The following HNRNPF variants were observed in gnomAD, a reference collection of about 807,000 sequenced individuals.
The protein encoded by HNRNPF is HnRNP F protein.
In HNRNPF, 2 loss-of-function variants were observed where a neutral mutation model predicts 26.0. The ratio of observed to expected loss-of-function variants is 0.08; its 90% CI spans 0.03 to 0.24. HNRNPF has a LOEUF of 0.24. Among genes scored for constraint, HNRNPF ranks in the 10% least tolerant of loss-of-function variants. HNRNPF has a pLI of 1.00. For missense variants in HNRNPF, 299 were observed against 539.2 expected (o/e 0.55, Z 4.41); for synonymous variants, 234 against 211.5 (o/e 1.11, Z -0.92).
At position 43,400,587 on chromosome 10, in the gene HNRNPF, A is replaced by G. The variant is rs1838721667; in HGVS notation, c.-246-3997T>C. 3.3e-5 allele frequency among the ~76,000 whole-genome samples: 5 copies of G among 152,182 alleles called. No individual in the cohort carries two copies. The South Asian group carries it at 1.0e-3, about 32-fold the overall frequency. On this transcript the variant is annotated intron_variant, in intron 1 of 3. Transcript: ENST00000682386. ...CTCAAAAGTATCTTCCAACCCAGCA[A>G]TTTTATAAAATTCCTATTCAGTCAC...
intron 3 of HNRNPF, among the ~76,000 whole-genome samples, chr10:43,391,021 G>A (rs981192797): frequency 6.6e-6 from 1 of 152,116 alleles, no homozygotes; most frequent in African/African-American, 2.4e-5. Context: ...AAATCAGGGT[G>A]AGGCCAGGCA....
chr10:43,406,246 C>A (rs1016039518), intron 1 of HNRNPF, among the ~76,000 whole-genome samples: 1 of 152,176 alleles, frequency 6.6e-6, no homozygotes, highest in Non-Finnish European at 1.5e-5. Flanking sequence ...AGGCATCTAC[C>A]CCCACCGGGC....
At chr10:43,402,891 T>A (rs1432314548) in intron 1 of HNRNPF, among the ~76,000 whole-genome samples, 1 of 136,444 alleles carries the variant, frequency 7.3e-6, no homozygotes, top group African/African-American at 3.1e-5. Context: ...TTAATTATGA[T>A]GGCTTTTTTT....
Position 43,387,909 on chromosome 10 carries a change from G to C in HNRNPF, c.-25C>G. ...TGGACACTTGTCAGGGTGGGTGTCA[G>C]GTGATCTTGGGTGTGGCTTTTTTGT... On this transcript the variant is annotated 5_prime_UTR_variant, in exon 4 of 4. Transcript: ENST00000682386. The surrounding 1 kb of genome is among the most constrained non-coding windows in gnomAD (Gnocchi z 6.0). The C allele has an allele frequency of 3.3e-6, 5 of 1,532,444 alleles. No individual in the cohort carries two copies. The highest frequency in any genetic ancestry group is 4.4e-6 in the Non-Finnish European group (5 of 1,135,588). 94.9% of individuals were successfully genotyped at this position (1,532,444 alleles called of 1,614,324 possible).
intron 3 of HNRNPF, among the ~76,000 whole-genome samples, chr10:43,393,008 C>T (rs776449636): frequency 1.3e-5 from 2 of 152,204 alleles, no homozygotes; most frequent in East Asian, 3.8e-4. Flanking sequence ...TTGACCTTCT[C>T]CCAAGCCCTC....
intron 1 of HNRNPF, among the ~76,000 whole-genome samples, chr10:43,406,867 ATCT>A (rs1463887780): frequency 1.3e-5 from 2 of 152,236 alleles, no homozygotes; most frequent in African/African-American, 2.4e-5. Context: ...AAGGGAAAAG[ATCT>A]TCTTGCTTAG....
intron 1 of HNRNPF, among the ~76,000 whole-genome samples, chr10:43,399,438 A>G (rs4339992): frequency 0.012 from 1,880 of 152,264 alleles, 35 homozygotes; most frequent in African/African-American, 0.042. Flanking sequence ...CTGTGAGGGA[A>G]CAATGTGTGC....
intron 1 of HNRNPF, among the ~76,000 whole-genome samples, chr10:43,398,623 A>G (rs1838649301): frequency 6.6e-6 from 1 of 151,420 alleles, no homozygotes; most frequent in Non-Finnish European, 1.5e-5. Flanking sequence ...TACAGGTGTG[A>G]GCCACCGCGC....
At chr10:43,391,822 C>G (rs768516512) in intron 3 of HNRNPF, among the ~76,000 whole-genome samples, 2 of 152,196 alleles carry the variant, frequency 1.3e-5, no homozygotes, top group Non-Finnish European at 2.9e-5. Context: ...GGTAATTAAA[C>G]ATGCTCAGTT....
chr10:43,404,166 G>A (rs144250478), intron 1 of HNRNPF, among the ~76,000 whole-genome samples: 2 of 151,510 alleles, frequency 1.3e-5, no homozygotes, highest in African/African-American at 2.4e-5. Flanking sequence ...TTAGATGGGC[G>A]TGGTGGTGCT....
chr10:43,395,782 C>T (rs1838467527), intron 2 of HNRNPF, among the ~76,000 whole-genome samples: 1 of 152,150 alleles, frequency 6.6e-6, no homozygotes, highest in East Asian at 1.9e-4. Flanking sequence ...ATCCACAGAC[C>T]AACACCCTGA....
chr10:43,386,608 T>C lies in HNRNPF; in HGVS notation c.*29A>G, dbSNP rs199696858. 142 of 1,508,030 alleles carry C rather than the reference T, an allele frequency of 9.4e-5. No homozygotes were observed. In the African/African-American group the frequency reaches 1.4e-3, roughly 15 times the overall value. The allele number at this position is 1,508,030 out of a possible 1,614,324, so 93.4% of individuals were successfully genotyped here. A position where few individuals can be genotyped will look rare whatever the true frequency, so the allele number is the denominator to read the frequency against. Reference sequence around the variant, plus strand: ...GCTTGTTGGCTGCCTGTGAAAATGATTGAAGTAACTCAAATGTTCCTAACA... The same window carrying C: ...GCTTGTTGGCTGCCTGTGAAAATGACTGAAGTAACTCAAATGTTCCTAACA... On this transcript the variant is annotated 3_prime_UTR_variant, in exon 4 of 4. Coordinates refer to ENST00000682386, the MANE Select transcript of HNRNPF (RefSeq NM_001098204.2).
In HNRNPF at chr10:43,387,950, AAAG is replaced by A. The variant is rs1564393323; in HGVS notation, c.-52-17_-52-15del. The A allele has an allele frequency of 2.1e-6, 3 of 1,409,384 alleles. No homozygotes were observed. Among genetic ancestry groups the A allele is most frequent in the Non-Finnish European group, 2.9e-6 (3 of 1,035,548 alleles). The allele number at this position is 1,409,384 out of a possible 1,614,324, so 87.3% of individuals were successfully genotyped here. A position where few individuals can be genotyped will look rare whatever the true frequency, so the allele number is the denominator to read the frequency against. On this transcript the variant is annotated splice_polypyrimidine_tract_variant and intron_variant, in intron 3 of 3. Coordinates refer to ENST00000682386, the MANE Select transcript of HNRNPF (RefSeq NM_001098204.2). This position sits in a 1 kb window ranked among gnomAD's most constrained non-coding sequence, Gnocchi z 6.0. Reference sequence around the variant, plus strand: ...GCTTTTTTGTGGCTGGAAAAAAAAAAAAGAAAAATTTATTTAGTATGCAACAGA... The same window carrying A: ...GCTTTTTTGTGGCTGGAAAAAAAAAAAAAAATTTATTTAGTATGCAACAGA...
intron 3 of HNRNPF, among the ~76,000 whole-genome samples, chr10:43,393,054 T>C (rs528472599): frequency 6.6e-6 from 1 of 152,190 alleles, no homozygotes; most frequent in Non-Finnish European, 1.5e-5. Context: ...GGTGATCCCA[T>C]TCTCCACAGT....
chr10:43,402,668 A>T (rs1198033771), intron 1 of HNRNPF, among the ~76,000 whole-genome samples: 2 of 152,236 alleles, frequency 1.3e-5, no homozygotes, highest in Non-Finnish European at 2.9e-5. Flanking sequence ...TATGGTATCT[A>T]ACACCAACTT....
In HNRNPF at chr10:43,385,890, A is replaced by T. The variant is rs142778208; in HGVS notation, c.*747T>A. 1 of 152,646 alleles carries T rather than the reference A, an allele frequency of 6.6e-6. No individual in the cohort carries two copies. Among genetic ancestry groups the T allele is most frequent in the Non-Finnish European group, 1.5e-5 (1 of 68,042 alleles). The allele number at this position is 152,646 out of a possible 1,614,324, so 9.5% of individuals were successfully genotyped here. ...TATTAGACTTTTATTTAGCCTCATC[A>T]TAAGAATATAAGGGAGATCATAGAT... On this transcript the variant is annotated 3_prime_UTR_variant, in exon 4 of 4. Coordinates refer to ENST00000682386, the MANE Select transcript of HNRNPF (RefSeq NM_001098204.2).
chr10:43,399,259 T>TA (rs5784598), intron 1 of HNRNPF, among the ~76,000 whole-genome samples: 3 of 152,088 alleles, frequency 2.0e-5, no homozygotes, highest in African/African-American at 7.2e-5. Context: ...ATTTTTTTTT[T>TA]AATTTTTTAG....
intron 3 of HNRNPF, among the ~76,000 whole-genome samples, chr10:43,389,214 C>G (rs1213287132): frequency 6.6e-6 from 1 of 152,014 alleles, no homozygotes. Context: ...TCAGGTGATC[C>G]GCCCACCTCA....
chr10:43,395,264 G>C (rs1385078192), intron 2 of HNRNPF, among the ~76,000 whole-genome samples: 2 of 152,172 alleles, frequency 1.3e-5, no homozygotes, highest in African/African-American at 4.8e-5. Flanking sequence ...TGTTCAGTCT[G>C]ATTTATAGGA....
Sources: allele counts gnomAD v4.1 joint callset (sites outside exome capture counted in the v4.1 genomes callset), GRCh38; gene constraint gnomAD v4.1.1; non-coding constraint Gnocchi (gnomAD v3.1); transcripts MANE v1.5; gene names NCBI Gene and HGNC (gene_info 2026-07-23, HGNC 2026-07-21).